CFDP1: variants seen among roughly 807,000 people sequenced by gnomAD.
CFDP1 encodes heterochromatin-stabilizing protein CFDP1.
A neutral mutation model predicts 40.1 loss-of-function variants in CFDP1; 31 were observed. The observed-to-expected ratio is 0.77, with a 90% CI of 0.58 to 1.04. The LOEUF is 1.04. Ranked by LOEUF, CFDP1 falls within the 50% of genes least tolerant of loss-of-function variation. The probability of loss-of-function intolerance (pLI) is 0.00; values close to 1 mark genes in which losing one functional copy is unlikely to be tolerated. For missense variants in CFDP1, 423 were observed against 343.4 expected, an observed-to-expected ratio of 1.23 and a Z score of -1.83; for synonymous variants, 167 against 120.0, an observed-to-expected ratio of 1.39 and a Z score of -2.56.
intron 2 of CFDP1, among the ~76,000 whole-genome samples, chr16:75,413,246 C>T (rs773365385): frequency 3.3e-5 from 5 of 152,078 alleles, no homozygotes; most frequent in African/African-American, 4.8e-5. Context: ...TTCCCACTTT[C>T]GGAAGAACTG....
intron 4 of CFDP1, among the ~76,000 whole-genome samples, chr16:75,400,277 T>A (rs1010016458): frequency 8.4e-6 from 1 of 118,640 alleles, no homozygotes; most frequent in African/African-American, 2.7e-5. Flanking sequence ...AGACCCTGTC[T>A]CAAAACAAAA....
At position 75,334,964 on chromosome 16, in the gene CFDP1, AAAAAG is replaced by A. The variant is rs1161797896; in HGVS notation, c.651-29787_651-29783del. 5.3e-5 allele frequency among the ~76,000 whole-genome samples: 8 copies of A among 152,274 alleles called. No homozygotes were observed. The East Asian group carries it at 9.6e-4, about 18-fold the overall frequency. Reference sequence around the variant, plus strand: ...AGCGAGACACTCTGCCTCAAAAAAAAAAAAGAAAAGAAAAAAAGAAAAGTCTGGAG... The same window carrying A: ...AGCGAGACACTCTGCCTCAAAAAAAAAAAAGAAAAAAAGAAAAGTCTGGAG... On this transcript the variant is annotated intron_variant, in intron 5 of 6. Coordinates refer to ENST00000283882, the MANE Select transcript of CFDP1 (RefSeq NM_006324.3).
intron 5 of CFDP1, among the ~76,000 whole-genome samples, chr16:75,313,106 T>G (rs2078304818): frequency 6.6e-6 from 1 of 152,164 alleles, no homozygotes; most frequent in African/African-American, 2.4e-5. Context: ...TGGCTTTGTG[T>G]CTCTTGCCAC....
intron 6 of CFDP1, among the ~76,000 whole-genome samples, chr16:75,299,424 T>A (rs1363441502): frequency 7.0e-6 from 1 of 143,338 alleles, no homozygotes; most frequent in Admixed American, 7.0e-5. Flanking sequence ...CATCTCTACT[T>A]AAAAAAAAAA....
intron 5 of CFDP1, among the ~76,000 whole-genome samples, chr16:75,347,379 A>G (rs1465781513): frequency 5.3e-5 from 8 of 150,562 alleles, no homozygotes; most frequent in African/African-American, 1.9e-4. Flanking sequence ...AAGAAAAAGA[A>G]AAAGAAAAAA....
intron 6 of CFDP1, among the ~76,000 whole-genome samples, chr16:75,294,413 C>T (rs930212216): frequency 2.0e-5 from 3 of 152,178 alleles, no homozygotes; most frequent in African/African-American, 7.2e-5. Flanking sequence ...TCACTTTTCT[C>T]TACAGCAGCA....
At chr16:75,385,105 T>A (rs1297023221) in intron 5 of CFDP1, among the ~76,000 whole-genome samples, 1 of 151,516 alleles carries the variant, frequency 6.6e-6, no homozygotes, top group Non-Finnish European at 1.5e-5. Context: ...AAATAATTTT[T>A]AAAAGATTTT....
At chr16:75,380,912 A>AT (rs2151547920) in intron 5 of CFDP1, among the ~76,000 whole-genome samples, 1 of 152,312 alleles carries the variant, frequency 6.6e-6, no homozygotes, top group South Asian at 2.1e-4. Context: ...GAACTGAAGG[A>AT]TTTTTTTGAG....
At chr16:75,375,732 A>C (rs1294643459) in intron 5 of CFDP1, among the ~76,000 whole-genome samples, 1 of 150,818 alleles carries the variant, frequency 6.6e-6, no homozygotes, top group Non-Finnish European at 1.5e-5. Flanking sequence ...TGGAGGTTGC[A>C]GTGAGCTGAG....
At chr16:75,349,680 A>ATAT (rs59380218) in intron 5 of CFDP1, among the ~76,000 whole-genome samples, 6 of 6,672 alleles carry the variant, frequency 9.0e-4, no homozygotes, top group Admixed American at 3.9e-3. Flanking sequence ...AAAAAAAAAA[A>ATAT]AAAAAAAAAA....
intron 5 of CFDP1, among the ~76,000 whole-genome samples, chr16:75,321,071 C>T (rs7187690): frequency 0.89 from 135,352 of 152,170 alleles, 60,228 homozygotes; most frequent in East Asian, 0.93. Flanking sequence ...CTGGGAGTCA[C>T]AGGCACACGC....
Position 75,420,650 on chromosome 16 carries a change from T to C in CFDP1, c.65-5955A>G, listed in dbSNP as rs948920635. Among the ~76,000 whole-genome samples, 5 of 152,200 alleles carry C rather than the reference T, an allele frequency of 3.3e-5. No individual in the cohort carries two copies. The East Asian group carries it at 7.7e-4, about 23-fold the overall frequency. On this transcript the variant is annotated intron_variant, in intron 1 of 6. Transcript: ENST00000283882. ...TTTTGGAAAATTTGAGTATGATCTATATATAAGATAAAACATTTACTAAAA... is the reference window on the plus strand; with the variant it reads ...TTTTGGAAAATTTGAGTATGATCTACATATAAGATAAAACATTTACTAAAA...
At chr16:75,407,785 A>C (rs2151579876) in intron 4 of CFDP1, among the ~76,000 whole-genome samples, 1 of 152,232 alleles carries the variant, frequency 6.6e-6, no homozygotes, top group South Asian at 2.1e-4. Flanking sequence ...AAATGGCTAT[A>C]ATGAAGCATT....
chr16:75,313,740 G>C (rs1328851881), intron 5 of CFDP1, among the ~76,000 whole-genome samples: 2 of 151,978 alleles, frequency 1.3e-5, no homozygotes, highest in African/African-American at 2.4e-5. Flanking sequence ...ATATCATCAA[G>C]CTGTCTTCTC....
At chr16:75,359,058 T>C (rs2078664719) in intron 5 of CFDP1, among the ~76,000 whole-genome samples, 1 of 152,206 alleles carries the variant, frequency 6.6e-6, no homozygotes, top group South Asian at 2.1e-4. Context: ...TCCAACTACA[T>C]ATTTGAGTGA....
intron 5 of CFDP1, among the ~76,000 whole-genome samples, chr16:75,353,185 T>G (rs993274738): frequency 6.6e-6 from 1 of 152,200 alleles, no homozygotes; most frequent in Non-Finnish European, 1.5e-5. Context: ...GTATAGACCT[T>G]ACTGGATCCA....
In CFDP1 at chr16:75,387,436, C is replaced by A. The variant is rs183526864; in HGVS notation, c.650+7654G>T. ...GATTACAGGCGTGAGCCACTGCGCC[C>A]GGCCAGGGTATTCTTGCTTCTACAC... On this transcript the variant is annotated intron_variant, in intron 5 of 6. Coordinates refer to ENST00000283882, the MANE Select transcript of CFDP1 (RefSeq NM_006324.3). 1.9e-3 allele frequency among the ~76,000 whole-genome samples: 284 copies of A among 152,318 alleles called. 1 individual carries two copies. Among genetic ancestry groups the A allele is most frequent in the Non-Finnish European group, 2.4e-3 (166 of 68,036 alleles).
At chr16:75,399,998 G>C (rs1268847406) in intron 4 of CFDP1, among the ~76,000 whole-genome samples, 1 of 151,564 alleles carries the variant, frequency 6.6e-6, no homozygotes, top group Non-Finnish European at 1.5e-5. Context: ...CTGCTTGGGA[G>C]GCTGAGGCAG....
At chr16:75,295,410 G>A (rs2078175251) in intron 6 of CFDP1, among the ~76,000 whole-genome samples, 1 of 152,190 alleles carries the variant, frequency 6.6e-6, no homozygotes, top group African/African-American at 2.4e-5. Flanking sequence ...ATAAATAATG[G>A]CTAGTCATCT....
Sources: allele counts gnomAD v4.1 joint callset (sites outside exome capture counted in the v4.1 genomes callset), GRCh38; gene constraint gnomAD v4.1.1; transcripts MANE v1.5; gene names NCBI Gene and HGNC (gene_info 2026-07-23, HGNC 2026-07-21).